The following AUTS2 variants were observed in gnomAD, a reference collection of about 807,000 sequenced individuals.
The protein encoded by AUTS2 is activator of transcription and developmental regulator AUTS2.
A neutral mutation model predicts 112.4 loss-of-function variants in AUTS2; 17 were observed. The observed-to-expected ratio is 0.15, with a 90% confidence interval of 0.10 to 0.23. The LOEUF (loss-of-function observed/expected upper bound fraction) is 0.23. AUTS2 is among the 10% of genes least tolerant of loss of function. The pLI is 1.00. For synonymous variants in AUTS2, 751 were observed against 702.7 expected, an observed-to-expected ratio of 1.07 and a Z score of -1.09; for missense variants, 1,510 against 1,701.6, an observed-to-expected ratio of 0.89 and a Z score of 1.98.
intron 1 of AUTS2, among the ~76,000 whole-genome samples, chr7:69,696,919 A>G (rs1797586093): frequency 6.6e-6 from 1 of 152,256 alleles, no homozygotes; most frequent in Non-Finnish European, 1.5e-5. Flanking sequence ...AAGCTGGTTC[A>G]TGGTTGTGTG....
chr7:69,792,231 TG>T (rs1253631274), intron 1 of AUTS2, among the ~76,000 whole-genome samples: 2 of 130,862 alleles, frequency 1.5e-5, no homozygotes, highest in African/African-American at 5.5e-5. Context: ...GTTAAGTTGT[TG>T]TTTTTTTTTT....
chr7:69,717,142 G>GT (rs1427840875), intron 1 of AUTS2, among the ~76,000 whole-genome samples: 1 of 152,094 alleles, frequency 6.6e-6, no homozygotes, highest in Admixed American at 6.5e-5. Context: ...TGTTTCCAAA[G>GT]TTTTTTTCTC....
intron 4 of AUTS2, among the ~76,000 whole-genome samples, chr7:70,413,186 A>G (rs1794846937): frequency 6.6e-6 from 1 of 152,148 alleles, no homozygotes; most frequent in Non-Finnish European, 1.5e-5. Context: ...GCAAAAGCAA[A>G]TCTTTGCTCA....
At chr7:69,607,443 C>T (rs1259959525) in intron 1 of AUTS2, among the ~76,000 whole-genome samples, 16 of 152,206 alleles carry the variant, frequency 1.1e-4, no homozygotes, top group South Asian at 4.2e-4. Flanking sequence ...GTGTATGAAA[C>T]GCAGAAATTC....
intron 4 of AUTS2, among the ~76,000 whole-genome samples, chr7:70,319,195 G>A (rs750638340): frequency 4.6e-5 from 7 of 152,118 alleles, no homozygotes; most frequent in South Asian, 2.1e-4. Context: ...CTACTGAAAG[G>A]AATATTGAGG....
At chr7:70,246,174 G>A (rs1159414598) in intron 4 of AUTS2, among the ~76,000 whole-genome samples, 1 of 152,046 alleles carries the variant, frequency 6.6e-6, no homozygotes, top group East Asian at 1.9e-4. Flanking sequence ...TGTTTATGGT[G>A]TCTTGTGATA....
intron 1 of AUTS2, among the ~76,000 whole-genome samples, chr7:69,828,823 T>TG (rs1201943967): frequency 3.3e-5 from 5 of 152,210 alleles, no homozygotes; most frequent in African/African-American, 1.2e-4. Flanking sequence ...AAAACTGTCT[T>TG]GGGGGTTTTC....
chr7:70,142,221 C>G (rs1373898453), intron 4 of AUTS2, among the ~76,000 whole-genome samples: 11 of 152,178 alleles, frequency 7.2e-5, no homozygotes, highest in Admixed American at 2.6e-4. Context: ...TCTCTCTGTC[C>G]TCCTAACCCC....
In AUTS2 at chr7:70,617,526, G is replaced by C. The variant is rs369032808; in HGVS notation, c.691-81043G>C. ...AAATACAAAAAAATTAGCTGGGCGT[G>C]GTGGCGGGCGCCTGTAGTCCCAGCT... On this transcript the variant is annotated intron_variant, in intron 5 of 18. Coordinates refer to ENST00000342771, the MANE Select transcript of AUTS2 (RefSeq NM_015570.4). Among the ~76,000 whole-genome samples, 13 of 152,246 alleles carry C rather than the reference G, an allele frequency of 8.5e-5. No homozygotes were observed. In the South Asian group the frequency reaches 2.5e-3, roughly 29 times the overall value.
chr7:70,674,929 CTTT>C (rs1387193644), intron 5 of AUTS2, among the ~76,000 whole-genome samples: 3 of 152,160 alleles, frequency 2.0e-5, no homozygotes, highest in Non-Finnish European at 4.4e-5. Flanking sequence ...TTATCAAGTT[CTTT>C]TGCATTTGTT....
At chr7:70,731,232 C>G (rs56010262) in intron 6 of AUTS2, among the ~76,000 whole-genome samples, 8,830 of 151,228 alleles carry the variant, frequency 0.058, 331 homozygotes, top group Non-Finnish European at 0.089. Context: ...TGAAGGACTT[C>G]TTTTTAAAAT....
At chr7:69,713,880 G>C (rs1176106086) in intron 1 of AUTS2, among the ~76,000 whole-genome samples, 1 of 152,126 alleles carries the variant, frequency 6.6e-6, no homozygotes, top group Admixed American at 6.6e-5. Context: ...TTGAATAATA[G>C]AGGTTTTAAA....
At chr7:70,558,760 A>G (rs958115812) in intron 5 of AUTS2, among the ~76,000 whole-genome samples, 3 of 152,236 alleles carry the variant, frequency 2.0e-5, no homozygotes. Context: ...TTGTCAGACT[A>G]TGTGCTATTC....
chr7:69,790,941 A>G (rs139123664), intron 1 of AUTS2, among the ~76,000 whole-genome samples: 56 of 152,348 alleles, frequency 3.7e-4, no homozygotes, highest in Non-Finnish European at 6.6e-4. Flanking sequence ...CTGAAACTCA[A>G]GTTATTCCCT....
intron 6 of AUTS2, among the ~76,000 whole-genome samples, chr7:70,738,023 A>C (rs1396279390): frequency 6.6e-6 from 1 of 152,008 alleles, no homozygotes; most frequent in African/African-American, 2.4e-5. Context: ...TCTGAAACCA[A>C]CTTTTTGTCA....
At chr7:70,702,220 AG>A (rs1809496487) in intron 6 of AUTS2, among the ~76,000 whole-genome samples, 1 of 152,228 alleles carries the variant, frequency 6.6e-6, no homozygotes, top group African/African-American at 2.4e-5. Context: ...TCTGGGAGGA[AG>A]GACAACACTA....
intron 4 of AUTS2, among the ~76,000 whole-genome samples, chr7:70,377,584 T>C (rs1314809659): frequency 6.6e-6 from 1 of 151,204 alleles, no homozygotes; most frequent in Non-Finnish European, 1.5e-5. Context: ...CTCCGGAACA[T>C]TTTTCGTCTT....
At chr7:70,731,428 T>G (rs1787382486) in intron 6 of AUTS2, among the ~76,000 whole-genome samples, 1 of 127,452 alleles carries the variant, frequency 7.8e-6, no homozygotes, top group African/African-American at 3.0e-5. Flanking sequence ...ATCTTTTTTT[T>G]TTTTTTTTTT....
intron 6 of AUTS2, among the ~76,000 whole-genome samples, chr7:70,716,951 A>G (rs1241252244): frequency 6.6e-6 from 1 of 151,526 alleles, no homozygotes; most frequent in Non-Finnish European, 1.5e-5. Context: ...CTGTAAAGGC[A>G]TTTCAAGTGA....
Sources: gnomAD v4.1 joint callset for allele counts (sites outside exome capture counted in the v4.1 genomes callset) on GRCh38, gnomAD v4.1.1 for gene constraint, MANE v1.5 for transcripts, NCBI Gene and HGNC (gene_info 2026-07-23, HGNC 2026-07-21) for gene names.